The following MED16 variants were observed in gnomAD, a reference collection of about 807,000 sequenced individuals.
MED16 encodes the protein mediator of RNA polymerase II transcription subunit 16.
Under a neutral mutation model 84.4 loss-of-function variants are expected in MED16, and 81 were observed. The ratio of observed to expected loss-of-function variants is 0.96; its 90% CI spans 0.80 to 1.15. The LOEUF (loss-of-function observed/expected upper bound fraction) is 1.15, where lower values mean the gene tolerates loss of function less well. Among genes scored for constraint, MED16 ranks in the 50% most tolerant of loss-of-function variants. The pLI is 0.00. For synonymous variants in MED16, 897 were observed against 552.2 expected, an observed-to-expected ratio of 1.62 and a Z score of -8.76; for missense variants, 1,585 against 1,245.9, an observed-to-expected ratio of 1.27 and a Z score of -4.10.
At position 868,000 on chromosome 19, in the gene MED16, G is replaced by T; in HGVS notation, c.*101C>A. On this transcript the variant is annotated 3_prime_UTR_variant, in exon 16 of 16. Transcript: ENST00000325464. ...GCGTTTATTGGACCTGTCCTTCCCAGCCGCTGCTTGTCCAGGTTCAGCGCT... is the reference window on the plus strand; with the variant it reads ...GCGTTTATTGGACCTGTCCTTCCCATCCGCTGCTTGTCCAGGTTCAGCGCT... 7.0e-7 allele frequency: 1 copy of T among 1,438,472 alleles called. No homozygotes were observed. Among genetic ancestry groups the T allele is most frequent in the Non-Finnish European group, 9.2e-7 (1 of 1,081,298 alleles). 89.1% of individuals were successfully genotyped at this position (1,438,472 alleles called of 1,614,324 possible). A position where few individuals can be genotyped will look rare whatever the true frequency, so the allele number is the denominator to read the frequency against.
At position 877,052 on chromosome 19, in the gene MED16, G is replaced by A. The variant is rs143998221; in HGVS notation, c.1482C>T (p.His494=). The change falls in exon 9 of 16, where the codon CAC becomes CAT. Residue 494 remains histidine (H), a synonymous_variant. Coordinates refer to ENST00000325464, the MANE Select transcript of MED16 (RefSeq NM_005481.3). ...GGCTCTGTACCATACTGGGCTGCAC[G>A]TGCAGCAGGATGTCCCACCAGTCGT... ...TGYDWWDILL[H]VQPSMVQSLV... 126 of 1,612,616 alleles carry A rather than the reference G, an allele frequency of 7.8e-5. No homozygotes were observed. Among genetic ancestry groups the A allele is most frequent in the African/African-American group, 6.5e-4 (49 of 75,062 alleles).
chr19:873,420 G>T (rs199867125), intron 11 of MED16, 29 bp downstream of exon 11: 4 of 1,595,376 alleles, frequency 2.5e-6, no homozygotes, highest in Non-Finnish European at 8.5e-7. Context: ...CAGGTGGGGG[G>T]CGGGGCCTTA....
At chr19:870,891 C>G in intron 13 of MED16, 146 bp downstream of exon 13, 2 of 727,848 alleles carry the variant, frequency 2.7e-6, no homozygotes. Context: ...GGGTCCCGGG[C>G]AGGACATGGA....
chr19:871,480 T>A, intron 12 of MED16: 1 of 1,457,398 alleles, frequency 6.9e-7, no homozygotes, highest in Non-Finnish European at 9.2e-7. Context: ...GTCATGAGAC[T>A]CCCTCATTCA....
chr19:878,002 C>T (rs1198363245), intron 8 of MED16, among the ~76,000 whole-genome samples: 2 of 92,602 alleles, frequency 2.2e-5, no homozygotes, highest in Non-Finnish European at 2.0e-5. Flanking sequence ...CTCACCTTTC[C>T]GTGGTTGTCA....
chr19:877,960 A>C (rs1167467701), intron 8 of MED16, among the ~76,000 whole-genome samples: 1 of 26,202 alleles, frequency 3.8e-5, no homozygotes, highest in Non-Finnish European at 7.1e-5. Flanking sequence ...CACCAGCCCC[A>C]GCCCCAGCCC....
At chr19:868,704 T>C (rs1325052757) in intron 14 of MED16, among the ~76,000 whole-genome samples, 159 bp downstream of exon 14, 1 of 152,174 alleles carries the variant, frequency 6.6e-6, no homozygotes, top group Non-Finnish European at 1.5e-5. Context: ...CACACCAAGT[T>C]AACTGCTCCA....
chr19:869,034 G>A (rs2035985124), intron 13 of MED16, 88 bp from the exon 14 acceptor site: 5 of 1,191,128 alleles, frequency 4.2e-6, no homozygotes, highest in South Asian at 2.9e-5. Context: ...CGGGGGTGGA[G>A]GGAATGGCCG....
rs765379797 is a variant in MED16, at chr19:886,016, G to A, written c.633C>T (p.Gly211=). Residue 211 remains glycine, a synonymous_variant, in exon 5 of 16, where the codon GGC becomes GGT. Coordinates refer to ENST00000325464, the MANE Select transcript of MED16 (RefSeq NM_005481.3). ...TSTESLCRLR[G]RVALADIAFT... ...AGGCGATGTCGGCCAGGGCCACGCG[G>A]CCGCGCAGCCGGCACAGGCTCTCGG... is the stretch of plus-strand genomic sequence containing the variant. 6.2e-7 allele frequency: 1 copy of A among 1,600,984 alleles called. No homozygotes were observed. The highest frequency in any genetic ancestry group is 8.5e-7 in the Non-Finnish European group (1 of 1,175,680).
intron 12 of MED16, 143 bp from the exon 13 acceptor site, chr19:871,396 C>T (rs2036050674): frequency 2.3e-6 from 3 of 1,302,652 alleles, no homozygotes; most frequent in Admixed American, 4.8e-5. Context: ...CCCCGGGGTT[C>T]TCTCACCAGG....
chr19:868,276 G>T (rs142982212), intron 15 of MED16, 25 bp from the exon 16 acceptor site: 2 of 1,588,666 alleles, frequency 1.3e-6, no homozygotes, highest in Admixed American at 1.8e-5. Context: ...GAGGTTAACC[G>T]CGCCGAGGAG....
chr19:869,499 C>T (rs1454319101), intron 13 of MED16, among the ~76,000 whole-genome samples: 2 of 152,166 alleles, frequency 1.3e-5, no homozygotes, highest in Admixed American at 6.5e-5. Context: ...AGTTTACAAG[C>T]CTCTGACGTA....
intron 2 of MED16, 200 bp from the exon 3 acceptor site, chr19:890,444 G>A (rs867494511): frequency 4.2e-6 from 2 of 476,252 alleles, no homozygotes. Flanking sequence ...CCACAACTGT[G>A]TCTTTAAAAC....
chr19:880,395 G>C (rs982717505), intron 7 of MED16, among the ~76,000 whole-genome samples: 1 of 152,226 alleles, frequency 6.6e-6, no homozygotes, highest in Non-Finnish European at 1.5e-5. Context: ...GCCCCTCCCA[G>C]CTGGGCCCAT....
chr19:869,054 C>CTG (rs2035985610), intron 13 of MED16, 108 bp from the exon 14 acceptor site: 1 of 966,550 alleles, frequency 1.0e-6, no homozygotes, highest in Non-Finnish European at 1.5e-6. Flanking sequence ...GGCCTCACAC[C>CTG]ATCTGCCAGG....
rs762694444 is a variant in MED16 at position 871,110 on chromosome 19, G to T, written c.2242C>A (p.Leu748Ile). ...LVSRLQPKQP[L>I]RLQFGRAPTL... is the part of the protein sequence containing the mutation. Reference sequence around the variant, plus strand: ...GGCGCCCGGCCAAACTGCAGACGAAGGGGCTGCTTGGGCTGCAGGCGGCTA... The same window carrying T: ...GGCGCCCGGCCAAACTGCAGACGAATGGGCTGCTTGGGCTGCAGGCGGCTA... The change falls in exon 13 of 16, where the codon CTT becomes ATT. Residue 748 changes from leucine to isoleucine, a missense_variant. Coordinates refer to ENST00000325464, the MANE Select transcript of MED16 (RefSeq NM_005481.3). The T allele has an allele frequency of 1.3e-6, 2 of 1,548,716 alleles. No individual in the cohort carries two copies. The highest frequency in any genetic ancestry group is 4.9e-5 in the East Asian group (2 of 40,878).
chr19:877,057 G>A lies in MED16; in HGVS notation c.1477C>T (p.Leu493=). ...VTGYDWWDIL[L]HVQPSMVQSL... is the part of the protein sequence containing the mutation. ...TGTACCATACTGGGCTGCACGTGCAGCAGGATGTCCCACCAGTCGTAGCCG... is the reference window on the plus strand; with the variant it reads ...TGTACCATACTGGGCTGCACGTGCAACAGGATGTCCCACCAGTCGTAGCCG... Residue 493 remains leucine, a synonymous_variant, in exon 9 of 16, where the codon CTG becomes TTG. Transcript: ENST00000325464. 1 of 1,612,716 alleles carries A rather than the reference G, an allele frequency of 6.2e-7. No homozygotes were observed. The highest frequency in any genetic ancestry group is 8.5e-7 in the Non-Finnish European group (1 of 1,179,908).
chr19:871,116 G>A lies in MED16; in HGVS notation c.2236C>T (p.Gln746Ter). 6.5e-7 allele frequency: 1 copy of A among 1,548,726 alleles called. No individual in the cohort carries two copies. Among genetic ancestry groups the A allele is most frequent in the Non-Finnish European group, 8.7e-7 (1 of 1,146,018 alleles). ...DGLVSRLQPK[Q>*]PLRLQFGRAP... is the part of the protein sequence containing the mutation. ...CGGCCAAACTGCAGACGAAGGGGCT[G>A]CTTGGGCTGCAGGCGGCTAACCAGG... Residue 746 changes from glutamine to a stop codon, truncating the protein, a stop_gained, in exon 13 of 16, where the codon CAG (glutamine) becomes TAG (stop). Transcript: ENST00000325464. LOFTEE classifies it high-confidence loss of function.
chr19:873,927 G>A (rs1004157890), intron 10 of MED16, among the ~76,000 whole-genome samples: 2 of 152,118 alleles, frequency 1.3e-5, no homozygotes, highest in African/African-American at 2.4e-5. Context: ...TGAACACAGG[G>A]GCATGTCCAC....
Sources: gnomAD v4.1 joint callset for allele counts (sites outside exome capture counted in the v4.1 genomes callset) on GRCh38, gnomAD v4.1.1 for gene constraint, MANE v1.5 for transcripts, NCBI Gene and HGNC (gene_info 2026-07-23, HGNC 2026-07-21) for gene names.